RARB: variants seen among roughly 807,000 people sequenced by gnomAD.
RARB encodes the protein retinoic acid receptor beta, also known as HBV-activated protein.
RARB carries 17 observed loss-of-function variants against 51.9 expected under a neutral mutation model. That is an observed-to-expected ratio of 0.33 (90% CI 0.22 to 0.49). The LOEUF is 0.49. Among genes scored for constraint, RARB ranks in the 20% least tolerant of loss-of-function variants. The pLI is 0.99. For synonymous variants in RARB, 215 were observed against 195.4 expected (o/e 1.10, Z -0.84); for missense variants, 369 against 550.8 (o/e 0.67, Z 3.30).
chr3:25,224,328 T>C (rs556605451), intron 5 of RARB, among the ~76,000 whole-genome samples: 43 of 152,276 alleles, frequency 2.8e-4, no homozygotes, highest in African/African-American at 8.4e-4. Context: ...AGTGATACTT[T>C]AGAGCATATC....
At chr3:25,486,883 T>C (rs1405568452) in intron 2 of RARB, among the ~76,000 whole-genome samples, 1 of 152,200 alleles carries the variant, frequency 6.6e-6, no homozygotes, top group African/African-American at 2.4e-5. Flanking sequence ...TCACAGATTA[T>C]TAATTTTATT....
chr3:24,883,266 A>T (rs908596047), intron 2 of RARB, among the ~76,000 whole-genome samples: 1 of 152,094 alleles, frequency 6.6e-6, no homozygotes, highest in Non-Finnish European at 1.5e-5. Context: ...CTCTAATTAA[A>T]TCCTCTTAGG....
chr3:25,349,367 G>A (rs1705490513), intron 5 of RARB, among the ~76,000 whole-genome samples: 1 of 152,202 alleles, frequency 6.6e-6, no homozygotes, highest in East Asian at 1.9e-4. Context: ...GCTGTATGAG[G>A]TTGATAGTGT....
chr3:25,375,494 C>G (rs1051512966), intron 5 of RARB, among the ~76,000 whole-genome samples: 6 of 152,254 alleles, frequency 3.9e-5, no homozygotes, highest in African/African-American at 1.2e-4. Flanking sequence ...TGATCAGTTT[C>G]TTTTGGGTCC....
chr3:25,227,844 C>T (rs540613311), intron 5 of RARB, among the ~76,000 whole-genome samples: 3 of 152,230 alleles, frequency 2.0e-5, no homozygotes, highest in African/African-American at 7.2e-5. Flanking sequence ...TCCATTATCC[C>T]AGCCAGGTTT....
intron 2 of RARB, among the ~76,000 whole-genome samples, chr3:24,955,484 C>G (rs1053588643): frequency 6.6e-6 from 1 of 152,196 alleles, no homozygotes; most frequent in Admixed American, 6.5e-5. Context: ...GGGAACCACA[C>G]TCTTCTATCC....
chr3:25,048,778 C>T (rs1371066268), intron 2 of RARB, among the ~76,000 whole-genome samples: 9 of 82,912 alleles, frequency 1.1e-4, no homozygotes, highest in East Asian at 4.1e-4. Flanking sequence ...TTTTTTGAGA[C>T]GGAGTCTCGC....
At chr3:25,182,247 C>T (rs1319448591) in intron 5 of RARB, among the ~76,000 whole-genome samples, 1 of 152,148 alleles carries the variant, frequency 6.6e-6, no homozygotes, top group Non-Finnish European at 1.5e-5. Context: ...GTGAAATAAA[C>T]TGACTAGAAA....
intron 5 of RARB, among the ~76,000 whole-genome samples, chr3:25,356,637 T>C (rs531793755): frequency 2.4e-4 from 36 of 152,210 alleles, no homozygotes; most frequent in African/African-American, 3.6e-4. Context: ...CTACATTAGG[T>C]ATTTCTCCTG....
At chr3:25,006,129 C>T (rs926036961) in intron 2 of RARB, among the ~76,000 whole-genome samples, 9 of 152,112 alleles carry the variant, frequency 5.9e-5, no homozygotes, top group African/African-American at 1.7e-4. Context: ...ATCAGAAAGA[C>T]CTTTCCTGAC....
intron 5 of RARB, among the ~76,000 whole-genome samples, chr3:25,313,232 C>T (rs1339565602): frequency 1.3e-5 from 2 of 152,140 alleles, no homozygotes; most frequent in Non-Finnish European, 2.9e-5. Context: ...GGGTGAGTGA[C>T]CCTGGCTACT....
intron 5 of RARB, among the ~76,000 whole-genome samples, chr3:25,274,415 C>G (rs1430475108): frequency 6.6e-6 from 1 of 152,164 alleles, no homozygotes; most frequent in Non-Finnish European, 1.5e-5. Flanking sequence ...TATCCCGATT[C>G]AGCCTGAAGA....
intron 5 of RARB, among the ~76,000 whole-genome samples, chr3:25,301,965 G>A (rs1480555307): frequency 6.6e-6 from 1 of 152,162 alleles, no homozygotes; most frequent in African/African-American, 2.4e-5. Context: ...CCACAGGAGT[G>A]AAATCAATTG....
At chr3:25,338,752 C>G (rs1705137125) in intron 5 of RARB, among the ~76,000 whole-genome samples, 1 of 152,172 alleles carries the variant, frequency 6.6e-6, no homozygotes, top group Non-Finnish European at 1.5e-5. Context: ...GGCTGACATT[C>G]ATCAGTTTGC....
intron 2 of RARB, among the ~76,000 whole-genome samples, chr3:24,982,735 T>C (rs55719797): frequency 0.01 from 1,568 of 152,322 alleles, 26 homozygotes; most frequent in African/African-American, 0.034. Context: ...CAGTGGCTCC[T>C]AATAATAGTT....
At chr3:25,507,814 A>C (rs1023941171) in intron 3 of RARB, among the ~76,000 whole-genome samples, 2 of 152,140 alleles carry the variant, frequency 1.3e-5, no homozygotes, top group Non-Finnish European at 2.9e-5. Flanking sequence ...TGCTGTGAGG[A>C]AGGGAGAGTA....
chr3:24,961,134 A>G (rs936929194), intron 2 of RARB, among the ~76,000 whole-genome samples: 1 of 152,226 alleles, frequency 6.6e-6, no homozygotes, highest in African/African-American at 2.4e-5. Flanking sequence ...TTACTTTGCT[A>G]TTATAATTAT....
At chr3:25,456,973 C>T (rs1323138412) in intron 1 of RARB, among the ~76,000 whole-genome samples, 2 of 152,028 alleles carry the variant, frequency 1.3e-5, no homozygotes, top group Non-Finnish European at 2.9e-5. Flanking sequence ...GCCTATAGTT[C>T]ACTCTGACAT....
At chr3:25,079,205 A>C (rs1698939029) in intron 3 of RARB, among the ~76,000 whole-genome samples, 1 of 152,148 alleles carries the variant, frequency 6.6e-6, no homozygotes, top group African/African-American at 2.4e-5. Flanking sequence ...TTGGAAATAT[A>C]ATTTATTTTT....
Sources: allele counts gnomAD v4.1 joint callset (sites outside exome capture counted in the v4.1 genomes callset), GRCh38; gene constraint gnomAD v4.1.1; transcripts MANE v1.5; gene names NCBI Gene and HGNC (gene_info 2026-07-23, HGNC 2026-07-21).